RASSF3: variants seen among roughly 807,000 people sequenced by gnomAD.
RASSF3 encodes the protein ras association domain-containing protein 3.
A neutral mutation model predicts 19.9 loss-of-function variants in RASSF3; 19 were observed. The observed-to-expected ratio is 0.96, with a 90% CI of 0.67 to 1.40. The LOEUF is 1.40. Among genes scored for constraint, RASSF3 ranks in the 40% most tolerant of loss-of-function variants. The probability of loss-of-function intolerance (pLI) is 0.00; values close to 1 mark genes in which losing one functional copy is unlikely to be tolerated. For synonymous variants in RASSF3, 110 were observed against 104.2 expected (o/e 1.06, Z -0.34); for missense variants, 306 against 289.8 (o/e 1.06, Z -0.41).
intron 1 of RASSF3, among the ~76,000 whole-genome samples, chr12:64,658,322 T>C (rs1022290248): frequency 2.0e-5 from 3 of 152,058 alleles, no homozygotes; most frequent in African/African-American, 7.2e-5. Flanking sequence ...GTGCTTTTGG[T>C]GAGGAGCCCA....
At chr12:64,654,951 G>T (rs1872105128) in intron 1 of RASSF3, 1 of 152,170 alleles carries the variant, frequency 6.6e-6, no homozygotes, top group Non-Finnish European at 1.5e-5. Context: ...TCATCTCCAA[G>T]TAAATGATTT....
chr12:64,640,737 G>C (rs1797685), intron 1 of RASSF3, among the ~76,000 whole-genome samples: 61,105 of 151,780 alleles, frequency 0.4, 12,992 homozygotes, highest in Middle Eastern at 0.51. Flanking sequence ...CAACCTCCCG[G>C]GCCCAAGTGA....
chr12:64,676,680 A>C (rs1872917558), intron 1 of RASSF3, among the ~76,000 whole-genome samples: 1 of 151,782 alleles, frequency 6.6e-6, no homozygotes, highest in Admixed American at 6.6e-5. Flanking sequence ...CATGTTGGCC[A>C]CGCTGGTCTC....
At chr12:64,579,640 C>T (rs745761771) in intron 2 of RASSF3, among the ~76,000 whole-genome samples, 24 of 151,802 alleles carry the variant, frequency 1.6e-4, no homozygotes, top group Non-Finnish European at 2.8e-4. Context: ...CGTGAGCCAC[C>T]GCGCCCGGCC....
chr12:64,627,332 C>G (rs1459135674), intron 1 of RASSF3, among the ~76,000 whole-genome samples: 1 of 152,154 alleles, frequency 6.6e-6, no homozygotes, highest in Non-Finnish European at 1.5e-5. Context: ...CAATTGATAG[C>G]TAAGCATCAA....
intron 1 of RASSF3, among the ~76,000 whole-genome samples, chr12:64,625,167 T>C (rs1332235776): frequency 6.6e-6 from 1 of 152,118 alleles, no homozygotes; most frequent in Non-Finnish European, 1.5e-5. Context: ...ATTGGGAATC[T>C]CAATGTAATT....
chr12:64,649,441 C>T (rs569839784), intron 1 of RASSF3, among the ~76,000 whole-genome samples: 3 of 152,274 alleles, frequency 2.0e-5, no homozygotes, highest in African/African-American at 7.2e-5. Context: ...ATCCGTCTGC[C>T]TTGGCCTCCG....
chr12:64,674,319 G>A (rs1872802559), intron 1 of RASSF3, among the ~76,000 whole-genome samples: 1 of 152,214 alleles, frequency 6.6e-6, no homozygotes, highest in Non-Finnish European at 1.5e-5. Context: ...CAGTCTTGCA[G>A]CAGTGAGCTC....
chr12:64,544,877 G>A (rs778646174), downstream of RASSF3, among the ~76,000 whole-genome samples: 17 of 152,198 alleles, frequency 1.1e-4, no homozygotes, highest in Non-Finnish European at 1.9e-4. Flanking sequence ...CCCTAACAAA[G>A]TTAACTCTTG....
rs143787014 is a variant in RASSF3, at chr12:64,580,932, G to A, written c.294+39227G>A. Among the ~76,000 whole-genome samples, 270 of 151,790 alleles carry A rather than the reference G, an allele frequency of 1.8e-3. 1 individual carries two copies. Among genetic ancestry groups the A allele is most frequent in the African/African-American group, 6.3e-3 (261 of 41,198 alleles). On this transcript the variant is annotated intron_variant, in intron 2 of 5. Coordinates refer to the RASSF3 transcript ENST00000637125. ...ATTTCCAAATAAGTCACAACCACAC[G>A]TACCAGGGGTTAAGACTTCATATCT...
At chr12:64,656,869 T>G (rs1872177341) in intron 1 of RASSF3, among the ~76,000 whole-genome samples, 1 of 152,150 alleles carries the variant, frequency 6.6e-6, no homozygotes, top group Non-Finnish European at 1.5e-5. Flanking sequence ...TTGAGGACAT[T>G]ACATGAAATA....
intron 1 of RASSF3, among the ~76,000 whole-genome samples, chr12:64,650,872 T>G (rs979893318): frequency 2.0e-5 from 3 of 152,214 alleles, no homozygotes; most frequent in African/African-American, 7.2e-5. Context: ...GGAAAACCCT[T>G]GCACCGAGTA....
At chr12:64,659,866 C>G (rs1310918515) in intron 1 of RASSF3, among the ~76,000 whole-genome samples, 2 of 151,806 alleles carry the variant, frequency 1.3e-5, no homozygotes, top group African/African-American at 4.8e-5. Flanking sequence ...GAGAATCACT[C>G]GAACCTGGGA....
At chr12:64,615,840 A>AT (rs1322022961) in intron 1 of RASSF3, among the ~76,000 whole-genome samples, 1 of 151,710 alleles carries the variant, frequency 6.6e-6, no homozygotes, top group East Asian at 1.9e-4. Context: ...TGCCTGGCTA[A>AT]TTTTTTGTAT....
intron 1 of RASSF3, among the ~76,000 whole-genome samples, chr12:64,647,577 A>AT (rs1345815143): frequency 6.6e-6 from 1 of 151,512 alleles, no homozygotes; most frequent in East Asian, 1.9e-4. Context: ...CGCCCGGCTA[A>AT]TTTTTTGTAT....
intron 1 of RASSF3, among the ~76,000 whole-genome samples, chr12:64,651,441 C>T (rs1409793414): frequency 6.6e-6 from 1 of 152,188 alleles, no homozygotes; most frequent in African/African-American, 2.4e-5. Context: ...TCACTGCAAC[C>T]TCCAACCTCC....
At chr12:64,673,042 A>T (rs117488475) in intron 1 of RASSF3, among the ~76,000 whole-genome samples, 4,619 of 152,248 alleles carry the variant, frequency 0.03, 89 homozygotes, top group Middle Eastern at 0.054. Flanking sequence ...CCTCCAAATG[A>T]GCCTGTTCAT....
At chr12:64,630,711 A>G (rs1445885009) in intron 1 of RASSF3, among the ~76,000 whole-genome samples, 1 of 152,104 alleles carries the variant, frequency 6.6e-6, no homozygotes, top group Non-Finnish European at 1.5e-5. Flanking sequence ...TGGGTTGGAG[A>G]TACTGGTTAA....
At chr12:64,632,592 G>A (rs1035173888) in intron 1 of RASSF3, among the ~76,000 whole-genome samples, 3 of 152,116 alleles carry the variant, frequency 2.0e-5, no homozygotes, top group Non-Finnish European at 2.9e-5. Flanking sequence ...GGAAGGAGAC[G>A]AGAGAAAAGA....
Sources: gnomAD v4.1 joint callset for allele counts (sites outside exome capture counted in the v4.1 genomes callset) on GRCh38, gnomAD v4.1.1 for gene constraint, MANE v1.5 for transcripts, NCBI Gene and HGNC (gene_info 2026-07-23, HGNC 2026-07-21) for gene names.